The following RDH12 variants were observed in gnomAD, a reference collection of about 807,000 sequenced individuals.
The protein encoded by RDH12 is retinol dehydrogenase 12, also known as all-trans and 9-cis retinol dehydrogenase.
RDH12 carries 21 observed loss-of-function variants against 34.0 expected under a neutral mutation model. The ratio of observed to expected loss-of-function variants is 0.62; its 90% CI spans 0.44 to 0.89. The LOEUF (loss-of-function observed/expected upper bound fraction) is 0.89, where lower values mean the gene tolerates loss of function less well. RDH12 is among the 40% of genes least tolerant of loss of function. RDH12 has a pLI of 0.00. For missense variants in RDH12, 394 were observed against 398.6 expected (o/e 0.99, Z 0.10); for synonymous variants, 198 against 169.9 (o/e 1.17, Z -1.29).
intron 8 of RDH12, among the ~76,000 whole-genome samples, chr14:67,731,371 C>T (rs964382550): frequency 4.6e-5 from 7 of 151,754 alleles, no homozygotes; most frequent in Admixed American, 6.6e-5. Flanking sequence ...CATGCCACGA[C>T]GCCCAGCTAG....
intron 1 of RDH12, among the ~76,000 whole-genome samples, chr14:67,711,073 C>T (rs564971641): frequency 1.3e-5 from 2 of 152,164 alleles, no homozygotes; most frequent in African/African-American, 2.4e-5. Context: ...TTGAGAGGAA[C>T]TTAGTTTATA....
chr14:67,729,104 C>T, intron 7 of RDH12, 87 bp from the exon 8 acceptor site: 1 of 1,364,044 alleles, frequency 7.3e-7, no homozygotes, highest in East Asian at 2.3e-5. Flanking sequence ...GTCCCTCCTT[C>T]TCACTTGTGT....
At chr14:67,731,339 C>T (rs1291892073) in intron 8 of RDH12, among the ~76,000 whole-genome samples, 2 of 150,848 alleles carry the variant, frequency 1.3e-5, no homozygotes, top group Non-Finnish European at 3.0e-5. Flanking sequence ...CTCAGCCTCC[C>T]GAGTAGCTGG....
intron 2 of RDH12, among the ~76,000 whole-genome samples, chr14:67,722,009 G>A (rs1251260170): frequency 3.9e-5 from 6 of 152,070 alleles, no homozygotes; most frequent in South Asian, 2.1e-4. Flanking sequence ...GAAAGCATAC[G>A]ACTCAGCAGA....
rs1439055578 is a variant in RDH12, at chr14:67,722,406, C to G, written c.-219-18C>G. ...CCTAAGTAAGCTTCAAACCTTGACT[C>G]CATCCCCTCCCCACCAGGACTACAT... On this transcript the variant is annotated intron_variant, in intron 2 of 8. Coordinates refer to ENST00000551171, the MANE Select transcript of RDH12 (RefSeq NM_152443.3). 1 of 597,430 alleles carries G rather than the reference C, an allele frequency of 1.7e-6. No homozygotes were observed. Among genetic ancestry groups the G allele is most frequent in the Admixed American group, 2.9e-5 (1 of 34,970 alleles). The allele number at this position is 597,430 out of a possible 1,614,324, so 37.0% of individuals were successfully genotyped here. A position where few individuals can be genotyped will look rare whatever the true frequency, so the allele number is the denominator to read the frequency against.
At chr14:67,714,514 A>G (rs1406703221) in intron 1 of RDH12, 1 of 154,326 alleles carries the variant, frequency 6.5e-6, no homozygotes. Context: ...GCCTTTCAGA[A>G]GGAACTGCCG....
At chr14:67,721,481 A>G (rs1406142793) in intron 2 of RDH12, among the ~76,000 whole-genome samples, 4 of 152,082 alleles carry the variant, frequency 2.6e-5, no homozygotes, top group Admixed American at 2.6e-4. Flanking sequence ...TTCTGGCCTC[A>G]AGGGATCCCC....
chr14:67,729,161 C>G (rs780168769), intron 7 of RDH12, 30 bp from the exon 8 acceptor site: 1 of 1,608,632 alleles, frequency 6.2e-7, no homozygotes, highest in Non-Finnish European at 8.5e-7. Context: ...AGAGTGTGTC[C>G]CTGATCTAAT....
chr14:67,707,400 G>A (rs924940309), intron 1 of RDH12, among the ~76,000 whole-genome samples: 1 of 151,706 alleles, frequency 6.6e-6, no homozygotes, highest in Non-Finnish European at 1.5e-5. Flanking sequence ...ATTATACTTG[G>A]CCTAATTATT....
At chr14:67,719,730 G>A (rs778090721) in intron 1 of RDH12, among the ~76,000 whole-genome samples, 15 of 152,048 alleles carry the variant, frequency 9.9e-5, no homozygotes, top group Admixed American at 1.3e-4. Context: ...CTCCTGCCTC[G>A]GTTTCCCAAA....
Position 67,733,919 on chromosome 14 carries a change from A to C in RDH12, c.*71A>C. ...TGAACAGGGACCAAGGAGAAGGCCA[A>C]CCCTAAAGGATTGTCCTCTTGGCCA... On this transcript the variant is annotated 3_prime_UTR_variant, in exon 9 of 9. Transcript: ENST00000551171. The C allele has an allele frequency of 8.7e-7, 1 of 1,151,130 alleles. No individual in the cohort carries two copies. Among genetic ancestry groups the C allele is most frequent in the Non-Finnish European group, 1.3e-6 (1 of 769,362 alleles). The allele number at this position is 1,151,130 out of a possible 1,614,324, so 71.3% of individuals were successfully genotyped here. A position where few individuals can be genotyped will look rare whatever the true frequency, so the allele number is the denominator to read the frequency against.
chr14:67,717,864 G>A (rs1348951915), intron 1 of RDH12: 2 of 152,186 alleles, frequency 1.3e-5, no homozygotes, highest in East Asian at 1.9e-4. Flanking sequence ...AGGAATTCAC[G>A]ACCAGCATGG....
Position 67,725,187 on chromosome 14 carries a change from G to T in RDH12, c.276G>T (p.Val92=). 6.2e-7 allele frequency: 1 copy of T among 1,614,192 alleles called. No individual in the cohort carries two copies. The highest frequency in any genetic ancestry group is 8.5e-7 in the Non-Finnish European group (1 of 1,180,036). ...EIRVDTKNSQ[V]LVRKLDLSDT... ...GAGTGGATACAAAGAACTCCCAGGTGCTGGTGCGGAAATTGGACCTATCCG... is the reference window on the plus strand; with the variant it reads ...GAGTGGATACAAAGAACTCCCAGGTTCTGGTGCGGAAATTGGACCTATCCG... The change falls in exon 5 of 9, where the codon GTG becomes GTT. Residue 92 remains valine, a synonymous_variant. Coordinates refer to ENST00000551171, the MANE Select transcript of RDH12 (RefSeq NM_152443.3).
intron 1 of RDH12, among the ~76,000 whole-genome samples, chr14:67,705,446 T>C (rs780299586): frequency 1.3e-5 from 2 of 152,232 alleles, no homozygotes; most frequent in Non-Finnish European, 2.9e-5. Context: ...TACTCAGAAA[T>C]GCTATGTAAG....
chr14:67,725,666 C>T (rs1413740752), intron 5 of RDH12, among the ~76,000 whole-genome samples: 1 of 152,228 alleles, frequency 6.6e-6, no homozygotes, highest in African/African-American at 2.4e-5. Context: ...GAGGGACATC[C>T]TGGGACCATG....
intron 1 of RDH12, among the ~76,000 whole-genome samples, chr14:67,710,548 A>G (rs1367472895): frequency 6.6e-6 from 1 of 152,160 alleles, no homozygotes; most frequent in African/African-American, 2.4e-5. Context: ...TTTACCACAC[A>G]ATATTCTTTT....
chr14:67,725,550 A>C (rs1452629984), intron 5 of RDH12, among the ~76,000 whole-genome samples: 2 of 152,216 alleles, frequency 1.3e-5, no homozygotes, highest in East Asian at 3.9e-4. Context: ...TTTCATCCTG[A>C]GAATCAACCT....
chr14:67,733,605 T>A, intron 8 of RDH12, 141 bp from the exon 9 acceptor site: 1 of 604,958 alleles, frequency 1.7e-6, no homozygotes, highest in East Asian at 3.4e-5. Context: ...ATTTTTGGAG[T>A]GCATTTTGTA....
rs372605863 is a variant in RDH12, at chr14:67,710,223, C to T, written c.-275+8288C>T. On this transcript the variant is annotated intron_variant, in intron 1 of 8. Transcript: ENST00000551171. ...GGACTTCCTGAGGCTGTGTCATGGGCTCGTCCTCAAACTTGGCAAAATAAA... is the reference window on the plus strand; with the variant it reads ...GGACTTCCTGAGGCTGTGTCATGGGTTCGTCCTCAAACTTGGCAAAATAAA... 5.3e-5 allele frequency among the ~76,000 whole-genome samples: 8 copies of T among 152,300 alleles called. No homozygotes were observed. The East Asian group carries it at 1.4e-3, about 26-fold the overall frequency.
Sources: allele counts gnomAD v4.1 joint callset (sites outside exome capture counted in the v4.1 genomes callset), GRCh38; gene constraint gnomAD v4.1.1; transcripts MANE v1.5; gene names NCBI Gene and HGNC (gene_info 2026-07-23, HGNC 2026-07-21).